ITPR2: variants seen among roughly 807,000 people sequenced by gnomAD.
The protein encoded by ITPR2 is inositol 1,4,5-trisphosphate receptor type 2, also known as inositol 1,4,5-trisphosphate-gated calcium channel ITPR2.
Under a neutral mutation model 317.1 loss-of-function variants are expected in ITPR2, and 207 were observed. The observed-to-expected ratio is 0.65, with a 90% confidence interval of 0.58 to 0.73. The LOEUF (loss-of-function observed/expected upper bound fraction) is 0.73, where lower values mean the gene tolerates loss of function less well. Ranked by LOEUF, ITPR2 falls within the 30% of genes least tolerant of loss-of-function variation. ITPR2 has a pLI of 0.00. For missense variants in ITPR2, 2,613 were observed against 3,284.0 expected, an observed-to-expected ratio of 0.80 and a Z score of 4.99; for synonymous variants, 1,156 against 1,149.1, an observed-to-expected ratio of 1.01 and a Z score of -0.12.
intron 2 of ITPR2, among the ~76,000 whole-genome samples, chr12:26,738,781 C>T (rs936751181): frequency 1.1e-4 from 17 of 152,030 alleles, no homozygotes; most frequent in African/African-American, 3.9e-4. Flanking sequence ...CTTTCTCTTC[C>T]TTACATGATT....
chr12:26,488,162 T>A (rs1293186209), intron 39 of ITPR2, among the ~76,000 whole-genome samples: 3 of 152,076 alleles, frequency 2.0e-5, no homozygotes, highest in African/African-American at 7.2e-5. Context: ...CTACCAAGAT[T>A]ATGAGATAGA....
chr12:26,443,411 A>G (rs3759116), intron 46 of ITPR2, 132 bp downstream of exon 46: 349,076 of 574,482 alleles, frequency 0.61, 113,258 homozygotes, highest in Non-Finnish European at 0.69. Context: ...TCATCCTTTT[A>G]CTATACATTT....
At chr12:26,735,518 A>G (rs1035415799) in intron 2 of ITPR2, among the ~76,000 whole-genome samples, 7 of 152,134 alleles carry the variant, frequency 4.6e-5, no homozygotes, top group African/African-American at 1.7e-4. Flanking sequence ...GAAGAAGAGG[A>G]GGGAAGAAGA....
At chr12:26,440,701 T>C (rs563949900) in intron 46 of ITPR2, among the ~76,000 whole-genome samples, 2 of 152,224 alleles carry the variant, frequency 1.3e-5, no homozygotes, top group Admixed American at 1.3e-4. Context: ...ACATATTTGA[T>C]ATGACAGGCA....
intron 2 of ITPR2, among the ~76,000 whole-genome samples, chr12:26,753,076 C>A (rs113553938): frequency 2.0e-5 from 3 of 151,972 alleles, no homozygotes; most frequent in Admixed American, 6.6e-5. Flanking sequence ...AGCTGGGTAA[C>A]GAATGGGATT....
At chr12:26,632,983 A>T (rs942209830) in intron 21 of ITPR2, among the ~76,000 whole-genome samples, 3 of 152,160 alleles carry the variant, frequency 2.0e-5, no homozygotes, top group Non-Finnish European at 4.4e-5. Context: ...GGCTGTCTCC[A>T]TTCCTTTCCA....
chr12:26,371,146 T>A (rs777441553), intron 55 of ITPR2, among the ~76,000 whole-genome samples: 2 of 152,222 alleles, frequency 1.3e-5, no homozygotes, highest in Non-Finnish European at 2.9e-5. Context: ...TGTGCCTGAA[T>A]GTTTGAGGAG....
intron 37 of ITPR2, among the ~76,000 whole-genome samples, chr12:26,524,532 T>A (rs75513679): frequency 0.053 from 8,008 of 152,238 alleles, 309 homozygotes; most frequent in African/African-American, 0.1. Context: ...TGTAAAAATA[T>A]CTCTAAAATT....
chr12:26,538,068 C>A (rs1944148471), intron 37 of ITPR2, among the ~76,000 whole-genome samples: 1 of 152,194 alleles, frequency 6.6e-6, no homozygotes, highest in Non-Finnish European at 1.5e-5. Flanking sequence ...TACAGCTTTG[C>A]AAATTGATAT....
intron 10 of ITPR2, among the ~76,000 whole-genome samples, chr12:26,693,916 T>C (rs1161674724): frequency 6.6e-6 from 1 of 152,068 alleles, no homozygotes; most frequent in African/African-American, 2.4e-5. Flanking sequence ...GTGAAGTACA[T>C]AAGACGAACA....
chr12:26,624,394 T>G (rs759087631), intron 23 of ITPR2, 38 bp from the exon 24 acceptor site: 2 of 1,420,132 alleles, frequency 1.4e-6, no homozygotes, highest in Non-Finnish European at 2.0e-6. Context: ...CTTTATCCTA[T>G]TTTAATTAGG....
chr12:26,773,717 T>C (rs1040575121), intron 2 of ITPR2, among the ~76,000 whole-genome samples: 3 of 152,184 alleles, frequency 2.0e-5, no homozygotes, highest in Non-Finnish European at 2.9e-5. Context: ...CTCTTCCCAA[T>C]ACAGAGGCTC....
Position 26,339,031 on chromosome 12 carries a change from C to A in ITPR2, c.*366G>T. ...AAATTCCAGCCAACCATGTCAGTGG[C>A]TGTAGTCAGCATTTAAGACAAAACT... On this transcript the variant is annotated 3_prime_UTR_variant, in exon 57 of 57. Transcript: ENST00000381340. 5.9e-6 allele frequency: 1 copy of A among 169,368 alleles called. No homozygotes were observed. The highest frequency in any genetic ancestry group is 1.8e-4 in the South Asian group (1 of 5,570). 10.5% of individuals were successfully genotyped at this position (169,368 alleles called of 1,614,324 possible).
chr12:26,772,733 T>C (rs1406977901), intron 2 of ITPR2, among the ~76,000 whole-genome samples: 2 of 150,968 alleles, frequency 1.3e-5, no homozygotes, highest in South Asian at 2.1e-4. Flanking sequence ...TCCAATATCT[T>C]TTTTTTTCTT....
At chr12:26,410,366 G>T (rs1401648468) in intron 52 of ITPR2, among the ~76,000 whole-genome samples, 4 of 152,120 alleles carry the variant, frequency 2.6e-5, no homozygotes, top group Middle Eastern at 3.4e-3. Flanking sequence ...CTCTCTTTAG[G>T]TCAAGAAGCA....
chr12:26,386,100 T>G (rs1223100061), intron 55 of ITPR2, among the ~76,000 whole-genome samples: 1 of 152,102 alleles, frequency 6.6e-6, no homozygotes, highest in East Asian at 1.9e-4. Context: ...GAGGTCCCAT[T>G]TTAAATATAA....
intron 37 of ITPR2, among the ~76,000 whole-genome samples, chr12:26,516,317 GAAA>G (rs1943513959): frequency 6.9e-6 from 1 of 145,854 alleles, no homozygotes; most frequent in South Asian, 2.2e-4. Flanking sequence ...GAAAGGAAAG[GAAA>G]GGAAAGGAAA....
In ITPR2 at chr12:26,339,389, C is replaced by A. The variant is rs1309064938; in HGVS notation, c.*8G>T. Reference sequence around the variant, plus strand: ...ATGAAAGGCTAGTCACGGCTTCCCCCCATGGTATCAGTGTGGTGGCATGTG... The same window carrying A: ...ATGAAAGGCTAGTCACGGCTTCCCCACATGGTATCAGTGTGGTGGCATGTG... On this transcript the variant is annotated 3_prime_UTR_variant, in exon 57 of 57. Transcript: ENST00000381340. 1.2e-6 allele frequency: 2 copies of A among 1,611,476 alleles called. No individual in the cohort carries two copies. Among genetic ancestry groups the A allele is most frequent in the South Asian group, 1.1e-5 (1 of 90,978 alleles).
At chr12:26,703,360 C>A (rs1948489022) in intron 9 of ITPR2, among the ~76,000 whole-genome samples, 1 of 152,188 alleles carries the variant, frequency 6.6e-6, no homozygotes, top group African/African-American at 2.4e-5. Context: ...TGTTAATCAT[C>A]TCTGTTTTCT....
Sources: gnomAD v4.1 joint callset for allele counts (sites outside exome capture counted in the v4.1 genomes callset) on GRCh38, gnomAD v4.1.1 for gene constraint, MANE v1.5 for transcripts, NCBI Gene and HGNC (gene_info 2026-07-23, HGNC 2026-07-21) for gene names.